The following NCR1 variants were observed in gnomAD, a reference collection of about 807,000 sequenced individuals.
NCR1 encodes the protein NK cell-activating receptor.
Under a neutral mutation model 32.5 loss-of-function variants are expected in NCR1, and 30 were observed. The observed-to-expected ratio is 0.92, with a 90% CI of 0.69 to 1.25. NCR1 has a LOEUF of 1.25. NCR1 is among the 50% of genes most tolerant of loss of function. The probability of loss-of-function intolerance (pLI) is 0.00; values close to 1 mark genes in which losing one functional copy is unlikely to be tolerated. For synonymous variants in NCR1, 169 were observed against 143.4 expected (o/e 1.18, Z -1.28); for missense variants, 369 against 380.7 (o/e 0.97, Z 0.26).
chr19:54,912,599 C>A (rs2068027222), intron 6 of NCR1, 91 bp from the exon 7 acceptor site: 1 of 370,962 alleles, frequency 2.7e-6, no homozygotes. Context: ...GGCTCTGTCT[C>A]AAAAAAAAAA....
the NCR1 span, among the ~76,000 whole-genome samples, chr19:54,930,978 G>A: frequency 5.0e-4 from 76 of 150,514 alleles, no homozygotes; most frequent in East Asian, 2.8e-3. Context: ...AGCTGAGATC[G>A]CGCCACTGCA....
chr19:54,903,788 G>T (rs1016084807), upstream of NCR1, among the ~76,000 whole-genome samples: 2 of 151,560 alleles, frequency 1.3e-5, no homozygotes, highest in African/African-American at 2.4e-5. Flanking sequence ...CTTCTGCATA[G>T]AATTTTTTTT....
chr19:54,901,247 G>A (rs1269368473), upstream of NCR1, among the ~76,000 whole-genome samples: 3 of 150,002 alleles, frequency 2.0e-5, no homozygotes, highest in Admixed American at 6.7e-5. Flanking sequence ...TCGAGATTGC[G>A]CCACTCAGGA....
At chr19:54,911,281 G>C (rs1434838926) in intron 5 of NCR1, among the ~76,000 whole-genome samples, 1 of 151,474 alleles carries the variant, frequency 6.6e-6, no homozygotes, top group Non-Finnish European at 1.5e-5. Context: ...CCCGGGAGAC[G>C]GAGCTTGCAG....
At chr19:54,933,071 T>A in the NCR1 span, among the ~76,000 whole-genome samples, 4 of 152,260 alleles carry the variant, frequency 2.6e-5, no homozygotes, top group East Asian at 7.7e-4. Flanking sequence ...ATCTCAAATC[T>A]TCCTTCATAG....
upstream of NCR1, chr19:54,906,062 G>T: frequency 8.8e-7 from 1 of 1,137,012 alleles, no homozygotes; most frequent in Non-Finnish European, 1.3e-6. Context: ...TCTGATGAAA[G>T]CAGTCAACGT....
the NCR1 span, chr19:54,930,777 G>A: frequency 3.4e-6 from 3 of 893,232 alleles, no homozygotes; most frequent in Admixed American, 1.9e-5. Context: ...ATGCAGTGCT[G>A]CACTCTTGGC....
At chr19:54,916,508 G>T (rs1159152183), downstream of NCR1, among the ~76,000 whole-genome samples, 1 of 150,028 alleles carries the variant, frequency 6.7e-6, no homozygotes, top group African/African-American at 2.5e-5. Flanking sequence ...TAGTAGAGAC[G>T]GGGTTTCTCC....
At chr19:54,931,222 G>A in the NCR1 span, among the ~76,000 whole-genome samples, 1 of 152,178 alleles carries the variant, frequency 6.6e-6, no homozygotes, top group African/African-American at 2.4e-5. Context: ...AGGAGTTCAA[G>A]ACCAGCCTGG....
At chr19:54,914,364 G>C (rs1192802808), downstream of NCR1, among the ~76,000 whole-genome samples, 1 of 151,734 alleles carries the variant, frequency 6.6e-6, no homozygotes, top group Non-Finnish European at 1.5e-5. Context: ...CTTCCCCCGA[G>C]TTTCACTTTT....
upstream of NCR1, among the ~76,000 whole-genome samples, chr19:54,902,506 A>G (rs1274383662): frequency 2.6e-5 from 4 of 151,932 alleles, no homozygotes; most frequent in Admixed American, 2.0e-4. Flanking sequence ...GTCTCAAGCA[A>G]TCCACCCACC....
the NCR1 span, among the ~76,000 whole-genome samples, chr19:54,922,871 AACACAGACAG>A: frequency 6.6e-6 from 1 of 151,210 alleles, no homozygotes; most frequent in South Asian, 2.1e-4. Flanking sequence ...CACACAGAGA[AACACAGACAG>A]ACACAGAGAC....
chr19:54,921,903 T>C, the NCR1 span, among the ~76,000 whole-genome samples: 1 of 152,002 alleles, frequency 6.6e-6, no homozygotes, highest in Admixed American at 6.6e-5. Context: ...GCTCTTATTT[T>C]TTTTTTTTCG....
chr19:54,922,790 CA>C, the NCR1 span, among the ~76,000 whole-genome samples: 7 of 51,884 alleles, frequency 1.3e-4, no homozygotes, highest in East Asian at 1.9e-3. Context: ...AAAAAAAAAA[CA>C]AAAAAAAAAA....
chr19:54,930,510 T>C, the NCR1 span: 1 of 1,608,440 alleles, frequency 6.2e-7, no homozygotes, highest in African/African-American at 1.3e-5. Flanking sequence ...GTAGGTGTTT[T>C]AGGTTACAGT....
At chr19:54,914,179 C>T (rs80354326), downstream of NCR1, among the ~76,000 whole-genome samples, 2,757 of 88,470 alleles carry the variant, frequency 0.031, 30 homozygotes, top group African/African-American at 0.091. Flanking sequence ...TTTTTTTTTT[C>T]TTTTTTTTTG....
At chr19:54,930,482 AAAAG>A in the NCR1 span, 19 of 1,573,870 alleles carry the variant, frequency 1.2e-5, no homozygotes, top group African/African-American at 2.7e-5. Flanking sequence ...AGAAAGAAGA[AAAAG>A]AAAATCGCCT....
In NCR1 at chr19:54,909,412, T is replaced by A. The variant is rs147784405; in HGVS notation, c.523T>A (p.Phe175Ile). 293 of 1,613,446 alleles carry A rather than the reference T, an allele frequency of 1.8e-4. No individual in the cohort carries two copies. Among genetic ancestry groups the A allele is most frequent in the Non-Finnish European group, 2.4e-4 (283 of 1,179,962 alleles). The change falls in exon 4 of 7, where the codon TTC becomes ATC. Residue 175 changes from phenylalanine to isoleucine, a missense_variant. Physicochemically the swap from Phe to Ile is conservative, Grantham distance 21. Transcript: ENST00000291890. The part of the protein sequence containing the change: ...QRGYGKVQAE[F>I]PLGPVTTAHR... ...CGGATACGGGAAGGTCCAGGCGGAG[T>A]TCCCCCTGGGCCCTGTGACCACAGC...
the NCR1 span, chr19:54,930,703 C>G: frequency 3.2e-6 from 5 of 1,568,970 alleles, no homozygotes; most frequent in Admixed American, 8.3e-5. Context: ...CCTGTTATCC[C>G]TCTGGCTAAC....
Sources: allele counts gnomAD v4.1 joint callset (sites outside exome capture counted in the v4.1 genomes callset), GRCh38; gene constraint gnomAD v4.1.1; transcripts MANE v1.5; gene names NCBI Gene and HGNC (gene_info 2026-07-23, HGNC 2026-07-21).